GALNT13: variants seen among roughly 807,000 people sequenced by gnomAD.
GALNT13 encodes the protein UDP-GalNAc:polypeptide N-acetylgalactosaminyltransferase 13.
Under a neutral mutation model 64.2 loss-of-function variants are expected in GALNT13, and 28 were observed. The observed-to-expected ratio is 0.44, with a 90% CI of 0.32 to 0.60. GALNT13 has a LOEUF of 0.60. GALNT13 is among the 20% of genes least tolerant of loss of function. GALNT13 has a pLI of 0.05. For synonymous variants in GALNT13, 214 were observed against 224.6 expected, an observed-to-expected ratio of 0.95 and a Z score of 0.42; for missense variants, 577 against 669.8, an observed-to-expected ratio of 0.86 and a Z score of 1.53.
chr2:153,998,440 T>C (rs1330058703), intron 3 of GALNT13, among the ~76,000 whole-genome samples: 1 of 152,220 alleles, frequency 6.6e-6, no homozygotes, highest in Non-Finnish European at 1.5e-5. Context: ...ATAAAGGTCT[T>C]CTTTTGAGAA....
chr2:153,322,463 T>G, the GALNT13 span, among the ~76,000 whole-genome samples: 1 of 152,060 alleles, frequency 6.6e-6, no homozygotes, highest in African/African-American at 2.4e-5. Flanking sequence ...TGAATAATGC[T>G]TTGACAAACA....
At chr2:153,401,232 G>A in the GALNT13 span, among the ~76,000 whole-genome samples, 8 of 152,078 alleles carry the variant, frequency 5.3e-5, no homozygotes, top group East Asian at 1.9e-4. Context: ...GTAGTTGAGC[G>A]CTTTTGAATG....
chr2:153,069,359 C>T, the GALNT13 span, among the ~76,000 whole-genome samples: 8 of 152,216 alleles, frequency 5.3e-5, no homozygotes, highest in South Asian at 2.1e-4. Context: ...TCCTCTCGCA[C>T]GCCATCTTAC....
chr2:154,153,508 T>A (rs1159958323), intron 4 of GALNT13, among the ~76,000 whole-genome samples: 1 of 152,202 alleles, frequency 6.6e-6, no homozygotes, highest in Non-Finnish European at 1.5e-5. Flanking sequence ...GGTGTCTTTT[T>A]GTTTGTCTGT....
At chr2:154,389,976 T>C (rs1698708103) in intron 9 of GALNT13, among the ~76,000 whole-genome samples, 1 of 152,080 alleles carries the variant, frequency 6.6e-6, no homozygotes, top group Non-Finnish European at 1.5e-5. Flanking sequence ...TCCTTCAAAA[T>C]GTCTGGGTGG....
chr2:153,136,225 C>T, the GALNT13 span, among the ~76,000 whole-genome samples: 5,054 of 152,190 alleles, frequency 0.033, 193 homozygotes, highest in East Asian at 0.19. Flanking sequence ...CACCCCTTTA[C>T]TCTTTTACAA....
At chr2:153,243,124 C>T in the GALNT13 span, among the ~76,000 whole-genome samples, 1 of 152,266 alleles carries the variant, frequency 6.6e-6, no homozygotes, top group South Asian at 2.1e-4. Context: ...GGGTGATATG[C>T]ACACATCCCC....
the GALNT13 span, among the ~76,000 whole-genome samples, chr2:153,801,032 C>T: frequency 2.0e-5 from 3 of 152,142 alleles, no homozygotes; most frequent in African/African-American, 7.2e-5. Flanking sequence ...ATCTCTGCTA[C>T]CTTCCAACTT....
intron 4 of GALNT13, among the ~76,000 whole-genome samples, chr2:154,178,710 G>T (rs974864240): frequency 1.3e-5 from 2 of 152,074 alleles, no homozygotes; most frequent in African/African-American, 4.8e-5. Context: ...GCTGCCTGAG[G>T]GTTTGCAATA....
the GALNT13 span, among the ~76,000 whole-genome samples, chr2:153,447,611 A>T: frequency 2.0e-5 from 3 of 152,290 alleles, no homozygotes; most frequent in Middle Eastern, 3.4e-3. Flanking sequence ...CCATATAATA[A>T]ATTCTCTTCA....
At chr2:153,650,858 G>A in the GALNT13 span, among the ~76,000 whole-genome samples, 4 of 152,036 alleles carry the variant, frequency 2.6e-5, no homozygotes, top group East Asian at 1.9e-4. Context: ...TCCAAGTTTC[G>A]GAAGTATAAG....
At chr2:154,268,480 A>G (rs565226328) in intron 8 of GALNT13, among the ~76,000 whole-genome samples, 13 of 152,290 alleles carry the variant, frequency 8.5e-5, no homozygotes, top group South Asian at 4.1e-4. Context: ...TAATGTATGT[A>G]TTCATTATCT....
chr2:154,048,259 A>G (rs1318328871), intron 3 of GALNT13, among the ~76,000 whole-genome samples: 1 of 151,920 alleles, frequency 6.6e-6, no homozygotes, highest in East Asian at 1.9e-4. Flanking sequence ...TGATCCAGTC[A>G]CCTCCCACGG....
intron 4 of GALNT13, among the ~76,000 whole-genome samples, chr2:154,152,396 A>T (rs186984047): frequency 6.6e-6 from 1 of 152,122 alleles, no homozygotes; most frequent in Non-Finnish European, 1.5e-5. Context: ...GGTGAATCTG[A>T]CAATTATGTG....
chr2:154,394,843 C>T (rs1362190232), intron 9 of GALNT13, among the ~76,000 whole-genome samples: 1 of 152,178 alleles, frequency 6.6e-6, no homozygotes, highest in Non-Finnish European at 1.5e-5. Flanking sequence ...TTGGCTGCTT[C>T]AGCATCAGAA....
At chr2:153,262,530 A>G in the GALNT13 span, among the ~76,000 whole-genome samples, 22 of 152,338 alleles carry the variant, frequency 1.4e-4, no homozygotes, top group Middle Eastern at 0.017. Flanking sequence ...CGTGATTAAC[A>G]TCAATCCAAA....
At chr2:153,155,757 C>T in the GALNT13 span, among the ~76,000 whole-genome samples, 2 of 152,086 alleles carry the variant, frequency 1.3e-5, no homozygotes, top group Admixed American at 6.6e-5. Context: ...TTGTCTTCTG[C>T]TAGCTTTGGG....
At chr2:153,098,379 C>G in the GALNT13 span, among the ~76,000 whole-genome samples, 22 of 152,218 alleles carry the variant, frequency 1.4e-4, no homozygotes, top group East Asian at 2.7e-3. Context: ...AAGTGAAAAG[C>G]CATGTTTGCT....
chr2:154,093,353 T>C (rs146701657), intron 3 of GALNT13, among the ~76,000 whole-genome samples: 1 of 151,894 alleles, frequency 6.6e-6, no homozygotes, highest in African/African-American at 2.4e-5. Context: ...GAGTAAAGAG[T>C]AATTAATGCC....
Sources: gnomAD v4.1 joint callset for allele counts (sites outside exome capture counted in the v4.1 genomes callset) on GRCh38, gnomAD v4.1.1 for gene constraint, MANE v1.5 for transcripts, NCBI Gene and HGNC (gene_info 2026-07-23, HGNC 2026-07-21) for gene names.